The following TINAG variants were observed in gnomAD, a reference collection of about 807,000 sequenced individuals.
TINAG encodes tubulointerstitial nephritis antigen.
Under a neutral mutation model 72.7 loss-of-function variants are expected in TINAG, and 83 were observed. The ratio of observed to expected loss-of-function variants is 1.14; its 90% CI spans 0.96 to 1.37. The LOEUF is 1.37. Ranked by LOEUF, TINAG falls within the 40% of genes most tolerant of loss-of-function variation. TINAG has a pLI of 0.00. For synonymous variants in TINAG, 234 were observed against 189.9 expected (o/e 1.23, Z -1.91); for missense variants, 685 against 576.6 (o/e 1.19, Z -1.93).
chr6:54,311,114 G>A (rs1329310495), intron 1 of TINAG, among the ~76,000 whole-genome samples: 2 of 151,770 alleles, frequency 1.3e-5, no homozygotes, highest in Non-Finnish European at 2.9e-5. Context: ...CTTGTTTTGT[G>A]TGCTTGAATT....
At chr6:54,322,418 T>C (rs942799131) in intron 3 of TINAG, among the ~76,000 whole-genome samples, 1 of 152,166 alleles carries the variant, frequency 6.6e-6, no homozygotes, top group African/African-American at 2.4e-5. Flanking sequence ...ACAAGCCAGC[T>C]GGTATCTGCT....
chr6:54,367,075 AT>A lies in TINAG; in HGVS notation c.1250+12441del, dbSNP rs1266468329. ...CTTTACATTCTTCCATTGTTTCTATATTAACTTACATGCCTTTGCAGCAACA... is the reference window on the plus strand; with the variant it reads ...CTTTACATTCTTCCATTGTTTCTATATAACTTACATGCCTTTGCAGCAACA... On this transcript the variant is annotated intron_variant, in intron 9 of 10. Coordinates refer to ENST00000259782, the MANE Select transcript of TINAG (RefSeq NM_014464.4). 1.3e-5 allele frequency: 2 copies of A among 151,704 alleles called. 1 individual carries two copies. Among genetic ancestry groups the A allele is most frequent in the African/African-American group, 4.8e-5 (2 of 41,376 alleles). 9.4% of individuals were successfully genotyped at this position (151,704 alleles called of 1,614,324 possible). A position where few individuals can be genotyped will look rare whatever the true frequency, so the allele number is the denominator to read the frequency against.
At chr6:54,322,208 T>C (rs1647048866) in intron 3 of TINAG, among the ~76,000 whole-genome samples, 1 of 152,110 alleles carries the variant, frequency 6.6e-6, no homozygotes, top group African/African-American at 2.4e-5. Flanking sequence ...CTCAGGAGGC[T>C]GAAGCACAAC....
intron 9 of TINAG, among the ~76,000 whole-genome samples, chr6:54,370,234 C>G (rs959871208): frequency 1.3e-5 from 2 of 152,004 alleles, no homozygotes; most frequent in South Asian, 4.1e-4. Context: ...TTTATGCCCA[C>G]CTTAAGTCCT....
chr6:54,338,636 A>G (rs568772753), intron 4 of TINAG, among the ~76,000 whole-genome samples: 5 of 150,474 alleles, frequency 3.3e-5, no homozygotes, highest in African/African-American at 1.2e-4. Flanking sequence ...AGGCAGGAGA[A>G]TCATTTGAAA....
chr6:54,350,028 T>C (rs1050904612), intron 7 of TINAG, 132 bp downstream of exon 7: 1 of 571,152 alleles, frequency 1.8e-6, no homozygotes, highest in Non-Finnish European at 2.4e-6. Context: ...TCATGTATAA[T>C]TTTTAATATT....
chr6:54,381,520 C>G (rs1311177358), intron 10 of TINAG, among the ~76,000 whole-genome samples: 1 of 151,980 alleles, frequency 6.6e-6, no homozygotes, highest in African/African-American at 2.4e-5. Context: ...AAGGCACTCA[C>G]AGAATTCAAT....
At chr6:54,348,742 A>C (rs1190551302) in intron 6 of TINAG, among the ~76,000 whole-genome samples, 2 of 152,164 alleles carry the variant, frequency 1.3e-5, no homozygotes, top group Non-Finnish European at 2.9e-5. Flanking sequence ...GCTTCAACAT[A>C]TGAATTTTAA....
intron 9 of TINAG, among the ~76,000 whole-genome samples, chr6:54,371,326 A>G (rs772495607): frequency 9.2e-5 from 14 of 152,012 alleles, no homozygotes; most frequent in Non-Finnish European, 1.3e-4. Context: ...TTTCTCATCT[A>G]TTCCACTGGG....
intron 4 of TINAG, 190 bp downstream of exon 4, chr6:54,327,106 G>C: frequency 6.5e-7 from 1 of 1,548,854 alleles, no homozygotes; most frequent in Non-Finnish European, 8.7e-7. Flanking sequence ...AGATTTGCAA[G>C]TTTACTGTTA....
intron 9 of TINAG, among the ~76,000 whole-genome samples, chr6:54,376,788 C>T (rs1763795825): frequency 6.6e-6 from 1 of 152,034 alleles, no homozygotes; most frequent in South Asian, 2.1e-4. Flanking sequence ...TCCATAAAGA[C>T]TTTTCATATA....
At chr6:54,387,965 C>T (rs1051978261) in intron 10 of TINAG, among the ~76,000 whole-genome samples, 1 of 152,092 alleles carries the variant, frequency 6.6e-6, no homozygotes, top group Admixed American at 6.6e-5. Context: ...TTCTTGCAAA[C>T]ATATGATTAG....
At position 54,389,878 on chromosome 6, in the gene TINAG, T is replaced by C. The variant is rs754471867; in HGVS notation, c.1384T>C (p.Leu462=). 3.1e-6 allele frequency: 5 copies of C among 1,611,046 alleles called. No homozygotes were observed. The highest frequency in any genetic ancestry group is 3.4e-6 in the Non-Finnish European group (4 of 1,178,736). ...RGVNESDIEK[L]IIAAWGQLTS... is the part of the protein sequence containing the mutation. ...AGTAAATGAGTCCGACATTGAAAAGTTGATTATCGCAGCTTGGGGCCAACT... is the reference window on the plus strand; with the variant it reads ...AGTAAATGAGTCCGACATTGAAAAGCTGATTATCGCAGCTTGGGGCCAACT... Residue 462 remains leucine (L), a synonymous_variant, in exon 11 of 11, where the codon TTG becomes CTG. Coordinates refer to ENST00000259782, the MANE Select transcript of TINAG (RefSeq NM_014464.4).
At position 54,372,737 on chromosome 6, in the gene TINAG, T is replaced by C. The variant is rs892997757; in HGVS notation, c.1251-7789T>C. Among the ~76,000 whole-genome samples, 4 of 5,262 alleles carry C rather than the reference T, an allele frequency of 7.6e-4. No individual in the cohort carries two copies. In the South Asian group the frequency reaches 0.016, roughly 21 times the overall value. The allele number at this position is 5,262 out of a possible 152,430, so 3.5% of individuals were successfully genotyped here. A position where few individuals can be genotyped will look rare whatever the true frequency, so the allele number is the denominator to read the frequency against. On this transcript the variant is annotated intron_variant, in intron 9 of 10. Transcript: ENST00000259782. ...TTATATAAATACATACATATATATA[T>C]ATATATATATATATATATATATATA... is the stretch of plus-strand genomic sequence containing the variant.
At chr6:54,377,111 G>A (rs955399344) in intron 9 of TINAG, among the ~76,000 whole-genome samples, 4 of 152,044 alleles carry the variant, frequency 2.6e-5, no homozygotes, top group Admixed American at 6.6e-5. Flanking sequence ...TAAAAGAACC[G>A]TATTATGTGG....
At chr6:54,368,143 T>C (rs1200675935) in intron 9 of TINAG, among the ~76,000 whole-genome samples, 1 of 151,148 alleles carries the variant, frequency 6.6e-6, no homozygotes, top group Non-Finnish European at 1.5e-5. Flanking sequence ...TTTGTAATTT[T>C]ATTTCTGATG....
At chr6:54,363,139 G>T (rs1161754287) in intron 9 of TINAG, among the ~76,000 whole-genome samples, 1 of 151,588 alleles carries the variant, frequency 6.6e-6, no homozygotes, top group Non-Finnish European at 1.5e-5. Context: ...ACAACACTGT[G>T]TGGACACAAG....
At chr6:54,389,377 C>A (rs1211657969) in intron 10 of TINAG, among the ~76,000 whole-genome samples, 5 of 152,134 alleles carry the variant, frequency 3.3e-5, no homozygotes, top group African/African-American at 1.2e-4. Context: ...TTAGCACTTG[C>A]CTTATGTTGG....
intron 4 of TINAG, 47 bp from the exon 5 acceptor site, chr6:54,343,179 G>T: frequency 1.4e-6 from 2 of 1,416,314 alleles, no homozygotes; most frequent in South Asian, 1.8e-5. Flanking sequence ...TTCCTATTGA[G>T]ACATATTTGA....
Sources: allele counts gnomAD v4.1 joint callset (sites outside exome capture counted in the v4.1 genomes callset), GRCh38; gene constraint gnomAD v4.1.1; transcripts MANE v1.5; gene names NCBI Gene and HGNC (gene_info 2026-07-23, HGNC 2026-07-21).